ADAM22: variants seen among roughly 807,000 people sequenced by gnomAD.
The protein encoded by ADAM22 is ADAM metallopeptidase domain 22, also known as disintegrin and metalloproteinase domain-containing protein 22.
A neutral mutation model predicts 144.6 loss-of-function variants in ADAM22; 65 were observed. That is an observed-to-expected ratio of 0.45 (90% CI 0.37 to 0.55). The LOEUF (loss-of-function observed/expected upper bound fraction) is 0.55. ADAM22 is among the 20% of genes least tolerant of loss of function. ADAM22 has a pLI of 0.00. For synonymous variants in ADAM22, 391 were observed against 412.6 expected (o/e 0.95, Z 0.63); for missense variants, 974 against 1,184.9 (o/e 0.82, Z 2.61).
chr7:88,104,011 A>G (rs1196328569), intron 4 of ADAM22, among the ~76,000 whole-genome samples: 3 of 152,264 alleles, frequency 2.0e-5, no homozygotes, highest in Non-Finnish European at 4.4e-5. Flanking sequence ...TCCCAGGTCC[A>G]TGTCTAGTAC....
At chr7:87,999,329 C>CT (rs1274462710) in intron 3 of ADAM22, among the ~76,000 whole-genome samples, 5 of 152,120 alleles carry the variant, frequency 3.3e-5, no homozygotes, top group African/African-American at 9.7e-5. Flanking sequence ...CACAACATAG[C>CT]TGTGTGTGGG....
intron 3 of ADAM22, among the ~76,000 whole-genome samples, chr7:88,004,664 A>G (rs976017054): frequency 6.6e-6 from 1 of 152,198 alleles, no homozygotes; most frequent in African/African-American, 2.4e-5. Context: ...AAACTGAAAA[A>G]TTTATTTCAG....
At chr7:88,145,078 A>G in intron 15 of ADAM22, 47 bp from the exon 16 acceptor site, 3 of 1,558,980 alleles carry the variant, frequency 1.9e-6, no homozygotes, top group Non-Finnish European at 2.6e-6. Flanking sequence ...AAAGTCTTTG[A>G]TGTTGATTTT....
intron 27 of ADAM22, among the ~76,000 whole-genome samples, chr7:88,179,764 A>G (rs1424738910): frequency 6.6e-6 from 1 of 152,142 alleles, no homozygotes; most frequent in Non-Finnish European, 1.5e-5. Flanking sequence ...ACTGCTTAAT[A>G]AAATAAATGA....
chr7:88,015,279 A>T (rs1796309851), intron 3 of ADAM22, among the ~76,000 whole-genome samples: 1 of 152,206 alleles, frequency 6.6e-6, no homozygotes, highest in Non-Finnish European at 1.5e-5. Context: ...ATTAATTATG[A>T]AGTAAATAAA....
chr7:88,182,887 G>A (rs1020505518), intron 29 of ADAM22, among the ~76,000 whole-genome samples: 3 of 151,942 alleles, frequency 2.0e-5, no homozygotes, highest in Non-Finnish European at 2.9e-5. Flanking sequence ...TCACTCTAGC[G>A]ATAGTTATTA....
At chr7:88,035,660 TAGC>T (rs1351593712) in intron 3 of ADAM22, among the ~76,000 whole-genome samples, 1 of 152,248 alleles carries the variant, frequency 6.6e-6, no homozygotes, top group Non-Finnish European at 1.5e-5. Context: ...ACAATTTACG[TAGC>T]ATTCATGTTG....
chr7:88,074,249 TATC>T (rs1389887599), intron 3 of ADAM22, among the ~76,000 whole-genome samples: 1 of 152,236 alleles, frequency 6.6e-6, no homozygotes, highest in Non-Finnish European at 1.5e-5. Flanking sequence ...ATATTTAATA[TATC>T]ATGAACATTT....
At chr7:88,135,338 A>G (rs1832772620) in intron 13 of ADAM22, among the ~76,000 whole-genome samples, 1 of 150,964 alleles carries the variant, frequency 6.6e-6, no homozygotes, top group African/African-American at 2.4e-5. Context: ...ATTATATGCC[A>G]GATGATTGAG....
At chr7:87,972,820 C>T (rs1208406840) in intron 2 of ADAM22, among the ~76,000 whole-genome samples, 3 of 152,066 alleles carry the variant, frequency 2.0e-5, no homozygotes, top group Non-Finnish European at 2.9e-5. Context: ...TTTGACAAAC[C>T]TGAGAAAAAC....
intron 26 of ADAM22, among the ~76,000 whole-genome samples, chr7:88,177,320 T>C (rs773702411): frequency 1.3e-5 from 2 of 152,022 alleles, no homozygotes; most frequent in African/African-American, 2.4e-5. Flanking sequence ...CAAGGTAAAA[T>C]AGAAAATATT....
intron 14 of ADAM22, among the ~76,000 whole-genome samples, chr7:88,141,669 C>T (rs1834717772): frequency 6.6e-6 from 1 of 151,966 alleles, no homozygotes; most frequent in South Asian, 2.1e-4. Flanking sequence ...CAGTATTTAA[C>T]ACTGTATAGT....
intron 4 of ADAM22, among the ~76,000 whole-genome samples, chr7:88,080,633 C>T (rs1027554677): frequency 6.6e-6 from 1 of 151,964 alleles, no homozygotes; most frequent in South Asian, 2.1e-4. Context: ...AGAGAAGAAT[C>T]AAATAGACGC....
chr7:88,130,319 T>C, intron 9 of ADAM22, 69 bp from the exon 10 acceptor site: 2 of 1,262,630 alleles, frequency 1.6e-6, no homozygotes, highest in Non-Finnish European at 2.2e-6. Flanking sequence ...TTGCACCATG[T>C]TTTCTCTGAT....
At chr7:87,966,221 G>T (rs1347269292) in intron 2 of ADAM22, among the ~76,000 whole-genome samples, 2 of 152,072 alleles carry the variant, frequency 1.3e-5, no homozygotes, top group Non-Finnish European at 2.9e-5. Flanking sequence ...CATTTCCCAG[G>T]GCTGATTTGT....
At chr7:88,114,708 T>C (rs1827310473) in intron 6 of ADAM22, 61 bp downstream of exon 6, 2 of 1,498,086 alleles carry the variant, frequency 1.3e-6, no homozygotes, top group Admixed American at 1.9e-5. Context: ...GCTTTTTTCC[T>C]CTCCTTTTTT....
At chr7:88,076,210 G>C (rs911896891) in intron 4 of ADAM22, among the ~76,000 whole-genome samples, 1 of 151,936 alleles carries the variant, frequency 6.6e-6, no homozygotes, top group Non-Finnish European at 1.5e-5. Context: ...GCTAATTTTT[G>C]TATTTTTAGT....
intron 3 of ADAM22, among the ~76,000 whole-genome samples, chr7:87,982,044 C>CATATATATATAT (rs57982467): frequency 5.3e-5 from 6 of 113,172 alleles, no homozygotes; most frequent in East Asian, 2.6e-4. Flanking sequence ...ATGTTTATTT[C>CATATATATATAT]ATATATATAT....
intron 30 of ADAM22, 27 bp from the exon 31 acceptor site, chr7:88,193,089 A>C: frequency 6.2e-7 from 1 of 1,613,400 alleles, no homozygotes. Context: ...ATCACATGAT[A>C]CTTAATTCAT....
Sources: gnomAD v4.1 joint callset for allele counts (sites outside exome capture counted in the v4.1 genomes callset) on GRCh38, gnomAD v4.1.1 for gene constraint, MANE v1.5 for transcripts, NCBI Gene and HGNC (gene_info 2026-07-23, HGNC 2026-07-21) for gene names.